RNF216: variants seen among roughly 807,000 people sequenced by gnomAD.
RNF216 encodes ring finger protein 216.
A neutral mutation model predicts 110.8 loss-of-function variants in RNF216; 72 were observed. The observed-to-expected ratio is 0.65, with a 90% CI of 0.54 to 0.79. The LOEUF (loss-of-function observed/expected upper bound fraction) is 0.79, where lower values mean the gene tolerates loss of function less well. Among genes scored for constraint, RNF216 ranks in the 30% least tolerant of loss-of-function variants. The probability of loss-of-function intolerance (pLI) is 0.00; values close to 1 mark genes in which losing one functional copy is unlikely to be tolerated. For missense variants in RNF216, 1,342 were observed against 1,141.2 expected, an observed-to-expected ratio of 1.18 and a Z score of -2.54; for synonymous variants, 495 against 407.5, an observed-to-expected ratio of 1.21 and a Z score of -2.59.
intron 1 of RNF216, among the ~76,000 whole-genome samples, chr7:5,764,165 G>A (rs1031453324): frequency 2.0e-5 from 3 of 151,038 alleles, no homozygotes; most frequent in Non-Finnish European, 4.4e-5. Context: ...TGCACTCCAG[G>A]TTGGGAGACA....
intron 3 of RNF216, among the ~76,000 whole-genome samples, chr7:5,749,274 C>T (rs1173864302): frequency 1.3e-5 from 2 of 151,662 alleles, no homozygotes; most frequent in Non-Finnish European, 2.9e-5. Context: ...CCTCAGCCTC[C>T]TGAGTAGCTG....
chr7:5,657,522 T>G (rs894921724), intron 13 of RNF216, among the ~76,000 whole-genome samples: 1 of 151,996 alleles, frequency 6.6e-6, no homozygotes, highest in East Asian at 1.9e-4. Context: ...AGCCGAAATC[T>G]TGCCATTGCA....
intron 13 of RNF216, among the ~76,000 whole-genome samples, chr7:5,689,574 G>A (rs906492181): frequency 3.3e-5 from 5 of 152,054 alleles, no homozygotes; most frequent in Non-Finnish European, 7.4e-5. Context: ...CTTCCTACAA[G>A]TTTTTAAAGC....
chr7:5,778,567 C>T (rs1796905882), intron 1 of RNF216, among the ~76,000 whole-genome samples: 1 of 152,140 alleles, frequency 6.6e-6, no homozygotes, highest in South Asian at 2.1e-4. Flanking sequence ...CATAGCATAT[C>T]GGATGGCACA....
chr7:5,704,507 A>G (rs1028795660), intron 13 of RNF216, among the ~76,000 whole-genome samples: 2 of 152,270 alleles, frequency 1.3e-5, no homozygotes, highest in African/African-American at 4.8e-5. Flanking sequence ...CTTCTTAGAT[A>G]AAGTCTAAAT....
chr7:5,673,743 G>A lies in RNF216; in HGVS notation c.2062-21233C>T, dbSNP rs188644760. On this transcript the variant is annotated intron_variant, in intron 13 of 16. Transcript: ENST00000389902. ...AATTAAAAAATTAGCTGGGTGCAGT[G>A]GTGCGCACCTGTAATTCCAGCATTT... 6.8e-4 allele frequency among the ~76,000 whole-genome samples: 103 copies of A among 152,222 alleles called. 1 individual carries two copies. The highest frequency in any genetic ancestry group is 4.4e-3 in the Admixed American group (68 of 15,298).
At chr7:5,768,346 T>TACACAC (rs71004702) in intron 1 of RNF216, among the ~76,000 whole-genome samples, 7,476 of 71,826 alleles carry the variant, frequency 0.1, 925 homozygotes, top group Non-Finnish European at 0.13. Flanking sequence ...GGCAGGCAAA[T>TACACAC]ACACACACAC....
chr7:5,689,428 G>A (rs1347194133), intron 13 of RNF216, among the ~76,000 whole-genome samples: 1 of 151,250 alleles, frequency 6.6e-6, no homozygotes, highest in African/African-American at 2.4e-5. Flanking sequence ...CGAGGAGGCA[G>A]GGCGCCTAGA....
chr7:5,635,957 G>C (rs1284114086), intron 15 of RNF216, among the ~76,000 whole-genome samples: 1 of 152,190 alleles, frequency 6.6e-6, no homozygotes, highest in Non-Finnish European at 1.5e-5. Context: ...AAAAGACAAA[G>C]ACACTGTAGA....
At chr7:5,691,587 A>G (rs1791343837) in intron 13 of RNF216, among the ~76,000 whole-genome samples, 1 of 152,164 alleles carries the variant, frequency 6.6e-6, no homozygotes, top group African/African-American at 2.4e-5. Flanking sequence ...TTTTAAGTCT[A>G]TTCTTTAAAA....
chr7:5,768,191 C>T (rs1490230814), intron 1 of RNF216, among the ~76,000 whole-genome samples: 1 of 151,578 alleles, frequency 6.6e-6, no homozygotes, highest in Non-Finnish European at 1.5e-5. Flanking sequence ...TAGCTCATGC[C>T]TGTAATCCTA....
At chr7:5,735,802 G>A (rs1584537624) in intron 5 of RNF216, among the ~76,000 whole-genome samples, 1 of 152,192 alleles carries the variant, frequency 6.6e-6, no homozygotes, top group Non-Finnish European at 1.5e-5. Flanking sequence ...AATTGATAAA[G>A]ATTAAGGGAA....
rs1163710982 is a variant in RNF216, at chr7:5,770,024, C to CAAAAAAAAAAAA, written c.-69-8898_-69-8887dup. On this transcript the variant is annotated intron_variant, in intron 1 of 16. Transcript: ENST00000389902. The stretch of plus-strand genomic sequence containing the variant: ...CTGGCTGACAGAGTGAGACCCATCT[C>CAAAAAAAAAAAA]AAAAAAAAAAAAAAAAAAAAAAAAA... 8.3e-5 allele frequency among the ~76,000 whole-genome samples: 2 copies of CAAAAAAAAAAAA among 24,154 alleles called. 1 individual carries two copies. The highest frequency in any genetic ancestry group is 1.3e-4 in the Non-Finnish European group (2 of 14,918). The allele number at this position is 24,154 out of a possible 152,430, so 15.8% of individuals were successfully genotyped here.
At chr7:5,754,457 G>A (rs2128665457) in intron 2 of RNF216, among the ~76,000 whole-genome samples, 1 of 152,084 alleles carries the variant, frequency 6.6e-6, no homozygotes, top group Non-Finnish European at 1.5e-5. Flanking sequence ...GAGCCACCAT[G>A]CCTGACTTAA....
intron 13 of RNF216, among the ~76,000 whole-genome samples, chr7:5,701,088 C>G (rs1584475309): frequency 6.6e-6 from 1 of 152,246 alleles, no homozygotes; most frequent in African/African-American, 2.4e-5. Flanking sequence ...AGTGCAGACC[C>G]TGAGAGTGGG....
chr7:5,712,043 C>T (rs1027375683), intron 12 of RNF216: 4 of 566,902 alleles, frequency 7.1e-6, no homozygotes, highest in Admixed American at 6.4e-5. Flanking sequence ...CACATGAGGT[C>T]CTGACTGAAT....
intron 5 of RNF216, among the ~76,000 whole-genome samples, chr7:5,733,663 CAAAA>C (rs75175715): frequency 4.4e-5 from 5 of 113,786 alleles, no homozygotes; most frequent in Non-Finnish European, 1.8e-5. Flanking sequence ...AAACATTAAC[CAAAA>C]AAAAAAAAAA....
intron 15 of RNF216, among the ~76,000 whole-genome samples, chr7:5,631,991 CAG>C (rs1414635755): frequency 6.6e-6 from 1 of 152,222 alleles, no homozygotes; most frequent in East Asian, 1.9e-4. Context: ...TCAGAAGATG[CAG>C]AGAGTGGCTG....
chr7:5,626,677 A>T (rs1786726518), intron 15 of RNF216, among the ~76,000 whole-genome samples: 1 of 151,992 alleles, frequency 6.6e-6, no homozygotes, highest in South Asian at 2.1e-4. Flanking sequence ...TGTTAAAAAA[A>T]AAAAAAAGGA....
Sources: gnomAD v4.1 joint callset for allele counts (sites outside exome capture counted in the v4.1 genomes callset) on GRCh38, gnomAD v4.1.1 for gene constraint, MANE v1.5 for transcripts, NCBI Gene and HGNC (gene_info 2026-07-23, HGNC 2026-07-21) for gene names.